NOL4: variants seen among roughly 807,000 people sequenced by gnomAD.
NOL4 encodes the protein nucleolar protein 4, also known as cancer/testis antigen 125.
Under a neutral mutation model 75.9 loss-of-function variants are expected in NOL4, and 17 were observed. The ratio of observed to expected loss-of-function variants is 0.22; its 90% CI spans 0.15 to 0.34. The LOEUF is 0.34. NOL4 is among the 10% of genes least tolerant of loss of function. The probability of loss-of-function intolerance (pLI) is 1.00; values close to 1 mark genes in which losing one functional copy is unlikely to be tolerated. For missense variants in NOL4, 614 were observed against 793.5 expected (o/e 0.77, Z 2.72); for synonymous variants, 292 against 289.9 (o/e 1.01, Z -0.07).
Position 33,983,781 on chromosome 18 carries a change from A to G in NOL4, c.1057-25363T>C, listed in dbSNP as rs887342001. Among the ~76,000 whole-genome samples the G allele has an allele frequency of 3.9e-5, 6 of 152,146 alleles. No individual in the cohort carries two copies. In the South Asian group the frequency reaches 1.0e-3, roughly 26 times the overall value. Reference sequence around the variant, plus strand: ...CCCTCACTTTTTAAAAATATTCTTTAACATGAAGTTAAACCAAAAGCTTAG... The same window carrying G: ...CCCTCACTTTTTAAAAATATTCTTTGACATGAAGTTAAACCAAAAGCTTAG... On this transcript the variant is annotated intron_variant, in intron 6 of 10. Transcript: ENST00000261592.
intron 9 of NOL4, among the ~76,000 whole-genome samples, chr18:33,934,333 T>G (rs539276849): frequency 6.6e-6 from 1 of 152,258 alleles, no homozygotes; most frequent in South Asian, 2.1e-4. Flanking sequence ...GAAAACTGAC[T>G]TTAACTTAAA....
intron 10 of NOL4, among the ~76,000 whole-genome samples, chr18:33,879,536 C>A (rs2064130572): frequency 6.6e-6 from 1 of 151,804 alleles, no homozygotes; most frequent in South Asian, 2.1e-4. Flanking sequence ...AATAAATTAG[C>A]CCAGCATGGA....
At chr18:34,026,267 T>C (rs1303746671) in intron 5 of NOL4, among the ~76,000 whole-genome samples, 1 of 152,178 alleles carries the variant, frequency 6.6e-6, no homozygotes, top group African/African-American at 2.4e-5. Flanking sequence ...TGCCTGGTTA[T>C]GCCCTCCTCC....
intron 1 of NOL4, among the ~76,000 whole-genome samples, chr18:34,156,056 C>T (rs1311094469): frequency 6.6e-6 from 1 of 152,104 alleles, no homozygotes; most frequent in Non-Finnish European, 1.5e-5. Context: ...GAATATTTCC[C>T]ATTTCCTTCC....
chr18:33,936,580 C>T (rs2068073994), intron 9 of NOL4, among the ~76,000 whole-genome samples: 1 of 151,994 alleles, frequency 6.6e-6, no homozygotes, highest in South Asian at 2.1e-4. Flanking sequence ...CCATTGGTTT[C>T]CCGTGTGTCT....
At chr18:33,964,496 AAAG>A (rs1433053334) in intron 6 of NOL4, among the ~76,000 whole-genome samples, 1 of 151,816 alleles carries the variant, frequency 6.6e-6, no homozygotes, top group Non-Finnish European at 1.5e-5. Context: ...AAAGGACAGA[AAAG>A]AAAGAAAAGA....
intron 5 of NOL4, among the ~76,000 whole-genome samples, chr18:34,090,369 G>C (rs138547438): frequency 1.3e-5 from 2 of 152,164 alleles, no homozygotes; most frequent in East Asian, 3.9e-4. Context: ...GCTAATAATT[G>C]AGAAAAATAA....
intron 2 of NOL4, among the ~76,000 whole-genome samples, chr18:34,112,186 T>G (rs966868828): frequency 4.6e-5 from 7 of 151,952 alleles, no homozygotes; most frequent in African/African-American, 1.7e-4. Flanking sequence ...CTGGCCAACA[T>G]GATGAAACCT....
intron 1 of NOL4, among the ~76,000 whole-genome samples, chr18:34,130,779 T>G (rs1310974466): frequency 6.6e-6 from 1 of 152,076 alleles, no homozygotes; most frequent in Non-Finnish European, 1.5e-5. Context: ...GCTCTTGTCA[T>G]TTTCAGGACC....
At chr18:34,043,390 A>AT (rs2076224521) in intron 5 of NOL4, among the ~76,000 whole-genome samples, 1 of 152,030 alleles carries the variant, frequency 6.6e-6, no homozygotes, top group African/African-American at 2.4e-5. Flanking sequence ...AGTAGGATGA[A>AT]TTTTTGTGAG....
chr18:34,042,824 T>C, intron 5 of NOL4, among the ~76,000 whole-genome samples: 1 of 152,070 alleles, frequency 6.6e-6, no homozygotes, highest in East Asian at 1.9e-4. Flanking sequence ...CAGTACTACA[T>C]CTTGCACTAA....
At chr18:34,178,748 T>C (rs916985591) in intron 1 of NOL4, among the ~76,000 whole-genome samples, 15 of 151,628 alleles carry the variant, frequency 9.9e-5, no homozygotes, top group African/African-American at 3.6e-4. Flanking sequence ...TCAGAAATAA[T>C]AGTTGGAGAC....
intron 1 of NOL4, among the ~76,000 whole-genome samples, chr18:34,220,551 T>C (rs899890215): frequency 6.6e-6 from 1 of 152,330 alleles, no homozygotes; most frequent in East Asian, 1.9e-4. Flanking sequence ...AAAATCAATG[T>C]ATCATTAAGG....
intron 9 of NOL4, among the ~76,000 whole-genome samples, chr18:33,909,166 T>C (rs944724316): frequency 2.0e-5 from 3 of 152,138 alleles, no homozygotes; most frequent in African/African-American, 4.8e-5. Context: ...ATTTGGAAAG[T>C]AGTGGTTTTA....
chr18:34,206,794 A>G (rs928432756), intron 1 of NOL4, among the ~76,000 whole-genome samples: 1 of 151,696 alleles, frequency 6.6e-6, no homozygotes, highest in Non-Finnish European at 1.5e-5. Context: ...TTATTTTTCT[A>G]TTTTTTTTAT....
chr18:34,204,875 T>C (rs2036011273), intron 1 of NOL4, among the ~76,000 whole-genome samples: 1 of 152,172 alleles, frequency 6.6e-6, no homozygotes, highest in Non-Finnish European at 1.5e-5. Flanking sequence ...ATCACATGTA[T>C]TGTTAAATGT....
At chr18:34,164,987 A>G (rs2032122977) in intron 1 of NOL4, among the ~76,000 whole-genome samples, 1 of 151,608 alleles carries the variant, frequency 6.6e-6, no homozygotes, top group African/African-American at 2.4e-5. Flanking sequence ...AAACTATCGC[A>G]AGGACAAAAA....
chr18:33,903,759 T>G (rs1385471671), intron 9 of NOL4, among the ~76,000 whole-genome samples: 2 of 152,200 alleles, frequency 1.3e-5, no homozygotes, highest in African/African-American at 4.8e-5. Context: ...GCTTATGACC[T>G]TTTTGCTTGA....
At chr18:34,144,004 T>C (rs1247038646) in intron 1 of NOL4, among the ~76,000 whole-genome samples, 1 of 152,084 alleles carries the variant, frequency 6.6e-6, no homozygotes, top group African/African-American at 2.4e-5. Context: ...TCTTTCAAGC[T>C]ACCAGTGGGA....
Sources: allele counts gnomAD v4.1 joint callset (sites outside exome capture counted in the v4.1 genomes callset), GRCh38; gene constraint gnomAD v4.1.1; transcripts MANE v1.5; gene names NCBI Gene and HGNC (gene_info 2026-07-23, HGNC 2026-07-21).